CNOT2: variants seen among roughly 807,000 people sequenced by gnomAD.
CNOT2 encodes CC chemokine receptor 4-negative regulator of transcription 2.
In CNOT2, 7 loss-of-function variants were observed where a neutral mutation model predicts 72.1. The observed-to-expected ratio is 0.10, with a 90% CI of 0.06 to 0.18. The LOEUF is 0.18. CNOT2 is among the 10% of genes least tolerant of loss of function. The pLI is 1.00. For synonymous variants in CNOT2, 196 were observed against 225.6 expected (o/e 0.87, Z 1.17); for missense variants, 345 against 660.3 (o/e 0.52, Z 5.23).
At chr12:70,323,289 C>T (rs944879576) in intron 4 of CNOT2, 1 of 151,682 alleles carries the variant, frequency 6.6e-6, no homozygotes, top group African/African-American at 2.4e-5. Context: ...TGCATGTCCT[C>T]ATTGCCTTTG....
intron 1 of CNOT2, among the ~76,000 whole-genome samples, chr12:70,264,658 G>C (rs1958936798): frequency 1.3e-5 from 2 of 152,098 alleles, no homozygotes; most frequent in Admixed American, 1.3e-4. Context: ...CTGTTGGCCT[G>C]TCTGTCCTGG....
chr12:70,326,245 A>G (rs565134786), intron 4 of CNOT2, among the ~76,000 whole-genome samples: 33 of 151,930 alleles, frequency 2.2e-4, no homozygotes, highest in African/African-American at 7.9e-4. Flanking sequence ...TATTCTTTGT[A>G]AAAAGGTGAT....
intron 2 of CNOT2, among the ~76,000 whole-genome samples, chr12:70,306,712 A>G (rs1875465199): frequency 6.6e-6 from 1 of 152,222 alleles, no homozygotes; most frequent in Admixed American, 6.5e-5. Context: ...AAAGCTGACA[A>G]ATTGTACACA....
At chr12:70,343,750 A>G (rs774594750) in intron 13 of CNOT2, among the ~76,000 whole-genome samples, 12 of 152,224 alleles carry the variant, frequency 7.9e-5, no homozygotes, top group Admixed American at 2.0e-4. Flanking sequence ...ACACAGTCAT[A>G]TTAATGAGTA....
At chr12:70,299,084 A>G (rs1020193391) in intron 2 of CNOT2, among the ~76,000 whole-genome samples, 9 of 152,116 alleles carry the variant, frequency 5.9e-5, no homozygotes, top group South Asian at 4.2e-4. Flanking sequence ...ATTGACTCAC[A>G]TGGCTGGGGA....
chr12:70,247,671 A>G (rs1191114269), intron 1 of CNOT2, among the ~76,000 whole-genome samples: 2 of 152,150 alleles, frequency 1.3e-5, no homozygotes, highest in Non-Finnish European at 2.9e-5. Flanking sequence ...GTCACACTGT[A>G]TTGTAATTTA....
intron 15 of CNOT2, 175 bp downstream of exon 15, chr12:70,346,499 G>A: frequency 2.2e-6 from 1 of 455,474 alleles, no homozygotes; most frequent in African/African-American, 2.0e-5. Flanking sequence ...CAAAACAATT[G>A]GTTTCACTGA....
intron 7 of CNOT2, chr12:70,335,222 T>C (rs1010683160): frequency 2.5e-5 from 10 of 405,474 alleles, no homozygotes; most frequent in African/African-American, 1.0e-4. Flanking sequence ...GTTTCTATTA[T>C]GCTGGTTGCG....
chr12:70,253,974 C>G, intron 1 of CNOT2, among the ~76,000 whole-genome samples: 1 of 152,138 alleles, frequency 6.6e-6, no homozygotes, highest in African/African-American at 2.4e-5. Flanking sequence ...CGCAGTGGCT[C>G]ACGCCTGTAG....
chr12:70,337,247 A>G, intron 8 of CNOT2, 142 bp from the exon 9 acceptor site: 1 of 577,424 alleles, frequency 1.7e-6, no homozygotes, highest in East Asian at 2.9e-5. Flanking sequence ...TACCCTGGAT[A>G]CTAATTTTTT....
At chr12:70,260,853 A>ATTTTT (rs55908570) in intron 1 of CNOT2, among the ~76,000 whole-genome samples, 3 of 135,722 alleles carry the variant, frequency 2.2e-5, no homozygotes, top group African/African-American at 2.7e-5. Flanking sequence ...GATGCATTCT[A>ATTTTT]TTTTTTTTTT....
intron 15 of CNOT2, among the ~76,000 whole-genome samples, chr12:70,353,532 C>T (rs1036749532): frequency 6.6e-6 from 1 of 151,846 alleles, no homozygotes; most frequent in African/African-American, 2.4e-5. Flanking sequence ...AGTAATTGCC[C>T]CCTCTTTTTT....
intron 2 of CNOT2, among the ~76,000 whole-genome samples, chr12:70,310,542 A>G (rs1238493900): frequency 2.0e-5 from 3 of 152,122 alleles, no homozygotes; most frequent in Admixed American, 6.6e-5. Context: ...TGGAAGATGC[A>G]TGTGAAGATT....
chr12:70,281,119 T>A (rs987128849), intron 2 of CNOT2, among the ~76,000 whole-genome samples: 7 of 149,668 alleles, frequency 4.7e-5, no homozygotes, highest in Non-Finnish European at 8.9e-5. Flanking sequence ...TGAGACGGAC[T>A]CTTGCTCTGT....
intron 2 of CNOT2, among the ~76,000 whole-genome samples, chr12:70,308,775 CTA>C (rs1875930906): frequency 6.6e-6 from 1 of 151,928 alleles, no homozygotes; most frequent in Admixed American, 6.6e-5. Flanking sequence ...TTCTAGGAGT[CTA>C]TAATGGTCTT....
chr12:70,311,095 G>T, intron 3 of CNOT2, 78 bp downstream of exon 3: 1 of 959,734 alleles, frequency 1.0e-6, no homozygotes, highest in East Asian at 2.4e-5. Context: ...CATATCAAGT[G>T]CAGAATACTG....
intron 2 of CNOT2, among the ~76,000 whole-genome samples, chr12:70,300,762 C>A (rs538545072): frequency 1.3e-5 from 2 of 152,114 alleles, no homozygotes; most frequent in Non-Finnish European, 2.9e-5. Flanking sequence ...TGAAGAAAGT[C>A]GTTGGTAGCT....
chr12:70,247,111 A>G (rs1465817063), intron 1 of CNOT2, among the ~76,000 whole-genome samples: 3 of 151,636 alleles, frequency 2.0e-5, no homozygotes, highest in Non-Finnish European at 4.4e-5. Flanking sequence ...TTAGATATAT[A>G]GTTAGATATT....
chr12:70,257,131 T>G (rs540932780), intron 1 of CNOT2, among the ~76,000 whole-genome samples: 1 of 152,298 alleles, frequency 6.6e-6, no homozygotes, highest in South Asian at 2.1e-4. Flanking sequence ...ATAAGTACAA[T>G]CATTTCAAAG....
Sources: gnomAD v4.1 joint callset for allele counts (sites outside exome capture counted in the v4.1 genomes callset) on GRCh38, gnomAD v4.1.1 for gene constraint, MANE v1.5 for transcripts, NCBI Gene and HGNC (gene_info 2026-07-23, HGNC 2026-07-21) for gene names.